SHCBP1L: variants seen among roughly 807,000 people sequenced by gnomAD.
SHCBP1L encodes SHC binding and spindle associated 1 like.
A neutral mutation model predicts 62.5 loss-of-function variants in SHCBP1L; 67 were observed. That is an observed-to-expected ratio of 1.07 (90% confidence interval 0.88 to 1.31). The LOEUF (loss-of-function observed/expected upper bound fraction) is 1.31, where lower values mean the gene tolerates loss of function less well. Ranked by LOEUF, SHCBP1L falls within the 40% of genes most tolerant of loss-of-function variation. The pLI, the probability that SHCBP1L is intolerant of heterozygous loss-of-function variation, is 0.00. For synonymous variants in SHCBP1L, 284 were observed against 289.4 expected (o/e 0.98, Z 0.19); for missense variants, 823 against 809.8 (o/e 1.02, Z -0.20).
At chr1:182,927,753 A>T (rs1035339110) in intron 6 of SHCBP1L, among the ~76,000 whole-genome samples, 1 of 152,086 alleles carries the variant, frequency 6.6e-6, no homozygotes, top group African/African-American at 2.4e-5. Flanking sequence ...GTAAATCTAA[A>T]ATCCAAGGTC....
In SHCBP1L at chr1:182,905,513, T is replaced by C. The variant is rs1228171707; in HGVS notation, c.1319A>G (p.Asp440Gly). The C allele has an allele frequency of 6.2e-7, 1 of 1,613,740 alleles. No homozygotes were observed. Among genetic ancestry groups the C allele is most frequent in the East Asian group, 2.2e-5 (1 of 44,764 alleles). Reference sequence around the variant, plus strand: ...CTGCTAACCCTTTATAATGATGTCATCTGTCAACAAAGCAAGATTTGCAGC... The same window carrying C: ...CTGCTAACCCTTTATAATGATGTCACCTGTCAACAAAGCAAGATTTGCAGC... ...YQAANLALLT[D>G]DIIIKGVGKR... The change falls in exon 7 of 10, where the codon GAT becomes GGT. Residue 440 changes from aspartate (D) to glycine (G), a missense_variant. Physicochemically the swap from Asp to Gly is moderately conservative, Grantham distance 94. Coordinates refer to ENST00000367547, the MANE Select transcript of SHCBP1L (RefSeq NM_030933.4).
chr1:182,915,952 G>A (rs372216631), intron 6 of SHCBP1L, among the ~76,000 whole-genome samples: 8 of 151,878 alleles, frequency 5.3e-5, no homozygotes, highest in East Asian at 3.9e-4. Flanking sequence ...GACCACAGGC[G>A]CCCGCCATCA....
intron 6 of SHCBP1L, among the ~76,000 whole-genome samples, chr1:182,923,521 G>C (rs1340385127): frequency 6.6e-6 from 1 of 152,070 alleles, no homozygotes; most frequent in African/African-American, 2.4e-5. Flanking sequence ...GTGGCCATTA[G>C]TCAAAAAGCT....
chr1:182,929,789 A>G (rs372342928), intron 5 of SHCBP1L, 37 bp from the exon 6 acceptor site: 10 of 1,387,892 alleles, frequency 7.2e-6, no homozygotes, highest in Non-Finnish European at 9.9e-6. Flanking sequence ...TTAAATTAAC[A>G]TGAAAAAGAC....
Position 182,910,479 on chromosome 1 carries a change from A to G in SHCBP1L, c.1183-4830T>C, listed in dbSNP as rs575586157. ...TCTGACAGACTGGCAAAGAAAGATGATATTTTTTTTCACCCCTCAGGTTGG... is the reference window on the plus strand; with the variant it reads ...TCTGACAGACTGGCAAAGAAAGATGGTATTTTTTTTCACCCCTCAGGTTGG... On this transcript the variant is annotated intron_variant, in intron 6 of 9. Coordinates refer to ENST00000367547, the MANE Select transcript of SHCBP1L (RefSeq NM_030933.4). Among the ~76,000 whole-genome samples, 201 of 151,846 alleles carry G rather than the reference A, an allele frequency of 1.3e-3. 1 individual carries two copies. Among genetic ancestry groups the G allele is most frequent in the Admixed American group, 2.4e-3 (37 of 15,286 alleles).
At chr1:182,933,880 C>T (rs1651086829) in intron 5 of SHCBP1L, among the ~76,000 whole-genome samples, 1 of 152,066 alleles carries the variant, frequency 6.6e-6, no homozygotes, top group South Asian at 2.1e-4. Flanking sequence ...CTTTTATTTT[C>T]TGGAAGAGTT....
rs549479467 is a variant in SHCBP1L, at chr1:182,932,008, T to C, written c.1077-2256A>G. Among the ~76,000 whole-genome samples the C allele has an allele frequency of 1.7e-3, 242 of 146,358 alleles. 1 individual carries two copies. Among genetic ancestry groups the C allele is most frequent in the Non-Finnish European group, 2.8e-3 (189 of 66,936 alleles). On this transcript the variant is annotated intron_variant, in intron 5 of 9. Coordinates refer to ENST00000367547, the MANE Select transcript of SHCBP1L (RefSeq NM_030933.4). ...ACAATTTTGTCTTTCCAGAATGTCA[T>C]ATAGTTGGAGTCATACAGTATGTAG...
At chr1:182,952,243 C>T (rs560110066) in intron 1 of SHCBP1L, among the ~76,000 whole-genome samples, 1 of 103,868 alleles carries the variant, frequency 9.6e-6, no homozygotes, top group African/African-American at 4.0e-5. Context: ...TATACACACA[C>T]ACACACACAC....
At chr1:182,916,835 TA>T (rs1650371187) in intron 6 of SHCBP1L, among the ~76,000 whole-genome samples, 1 of 152,158 alleles carries the variant, frequency 6.6e-6, no homozygotes, top group African/African-American at 2.4e-5. Flanking sequence ...CCATGAACAC[TA>T]AATAATAACT....
chr1:182,949,136 A>G (rs868607204), intron 2 of SHCBP1L, among the ~76,000 whole-genome samples: 10 of 152,306 alleles, frequency 6.6e-5, no homozygotes, highest in African/African-American at 2.4e-4. Context: ...AGAGATCTTG[A>G]AAAGTTTTAT....
chr1:182,922,307 A>G (rs895921239), intron 6 of SHCBP1L, among the ~76,000 whole-genome samples: 4 of 152,116 alleles, frequency 2.6e-5, no homozygotes, highest in African/African-American at 7.2e-5. Context: ...CCTAACAGAC[A>G]TCTACAGATC....
At chr1:182,948,058 C>A (rs1651619328) in intron 2 of SHCBP1L, among the ~76,000 whole-genome samples, 1 of 152,138 alleles carries the variant, frequency 6.6e-6, no homozygotes, top group African/African-American at 2.4e-5. Flanking sequence ...TTATGACATA[C>A]AAAATATGTT....
intron 2 of SHCBP1L, among the ~76,000 whole-genome samples, chr1:182,947,782 G>T (rs557965656): frequency 6.6e-6 from 1 of 152,264 alleles, no homozygotes; most frequent in African/African-American, 2.4e-5. Flanking sequence ...GGGCTCAAGT[G>T]ATCCTCTCAC....
At chr1:182,929,560 A>T in intron 6 of SHCBP1L, 87 bp downstream of exon 6, 1 of 706,662 alleles carries the variant, frequency 1.4e-6, no homozygotes, top group Non-Finnish European at 2.2e-6. Flanking sequence ...ATTAATGATT[A>T]GACAAGGACT....
intron 6 of SHCBP1L, among the ~76,000 whole-genome samples, chr1:182,912,527 A>ATT (rs34803527): frequency 3.5e-5 from 5 of 144,320 alleles, no homozygotes; most frequent in African/African-American, 1.3e-4. Flanking sequence ...TGTAATATCA[A>ATT]TTTTTTTTTT....
chr1:182,914,232 G>C (rs1650283322), intron 6 of SHCBP1L, among the ~76,000 whole-genome samples: 1 of 152,048 alleles, frequency 6.6e-6, no homozygotes, highest in Non-Finnish European at 1.5e-5. Context: ...AAAAAGTTAG[G>C]CCTATCCTAA....
intron 2 of SHCBP1L, chr1:182,942,288 C>G: frequency 9.5e-7 from 1 of 1,055,522 alleles, no homozygotes; most frequent in Non-Finnish European, 1.5e-6. Context: ...TTCGCTGCTG[C>G]CTTTTTCGGC....
intron 9 of SHCBP1L, among the ~76,000 whole-genome samples, chr1:182,902,083 CAG>C (rs1218776396): frequency 5.1e-5 from 6 of 118,134 alleles, no homozygotes; most frequent in African/African-American, 6.6e-5. Context: ...TTTTTTGAGA[CAG>C]AGTCTCAATC....
At chr1:182,914,798 A>T (rs796968176) in intron 6 of SHCBP1L, among the ~76,000 whole-genome samples, 42 of 152,336 alleles carry the variant, frequency 2.8e-4, no homozygotes, top group African/African-American at 1.0e-3. Flanking sequence ...TTTTAAATGT[A>T]AATGGATTAA....
Sources: allele counts gnomAD v4.1 joint callset (sites outside exome capture counted in the v4.1 genomes callset), GRCh38; gene constraint gnomAD v4.1.1; transcripts MANE v1.5; gene names NCBI Gene and HGNC (gene_info 2026-07-23, HGNC 2026-07-21).